Variants in LMO7 observed in about 807,000 individuals in gnomAD.
LMO7 encodes the protein LIM domain only protein 7.
In LMO7, 120 loss-of-function variants were observed where a neutral mutation model predicts 206.5. The ratio of observed to expected loss-of-function variants is 0.58; its 90% CI spans 0.50 to 0.68. The LOEUF is 0.68. Ranked by LOEUF, LMO7 falls within the 30% of genes least tolerant of loss-of-function variation. The probability of loss-of-function intolerance (pLI) is 0.00; values close to 1 mark genes in which losing one functional copy is unlikely to be tolerated. For synonymous variants in LMO7, 706 were observed against 681.5 expected (o/e 1.04, Z -0.56); for missense variants, 1,959 against 1,957.9 (o/e 1.00, Z -0.01).
chr13:75,672,091 G>T (rs1012518785), intron 1 of LMO7, among the ~76,000 whole-genome samples: 11 of 152,018 alleles, frequency 7.2e-5, no homozygotes, highest in Non-Finnish European at 1.0e-4. Context: ...AACATCCCTG[G>T]ATGTTCAAGT....
chr13:75,755,988 T>C (rs2047658294), intron 3 of LMO7, among the ~76,000 whole-genome samples: 1 of 152,204 alleles, frequency 6.6e-6, no homozygotes, highest in Non-Finnish European at 1.5e-5. Context: ...TGTCAGTCTC[T>C]TTAGTAAGTA....
At chr13:75,642,714 A>G (rs1202572935) in intron 1 of LMO7, among the ~76,000 whole-genome samples, 3 of 152,174 alleles carry the variant, frequency 2.0e-5, no homozygotes, top group Non-Finnish European at 2.9e-5. Context: ...ATACCCTCTA[A>G]AACCTTTGTG....
intron 15 of LMO7, among the ~76,000 whole-genome samples, chr13:75,827,161 C>G (rs2058193593): frequency 6.6e-6 from 1 of 152,158 alleles, no homozygotes; most frequent in Non-Finnish European, 1.5e-5. Context: ...ACATAATTGA[C>G]ACTTAAGTTT....
At chr13:75,821,003 A>G (rs1416242544) in intron 13 of LMO7, among the ~76,000 whole-genome samples, 174 bp from the exon 14 acceptor site, 1 of 152,070 alleles carries the variant, frequency 6.6e-6, no homozygotes, top group Admixed American at 6.6e-5. Context: ...GTCTCAAAAA[A>G]AAAAAAAAAA....
intron 1 of LMO7, among the ~76,000 whole-genome samples, chr13:75,660,462 C>T (rs1236802305): frequency 1.3e-5 from 2 of 152,176 alleles, no homozygotes; most frequent in African/African-American, 4.8e-5. Context: ...TCCATTCCAT[C>T]ATTTATGCCC....
chr13:75,744,084 C>T (rs540031840), intron 3 of LMO7, among the ~76,000 whole-genome samples: 1 of 152,126 alleles, frequency 6.6e-6, no homozygotes, highest in Admixed American at 6.5e-5. Context: ...ATGTAAATGG[C>T]ATATAAATAA....
intron 4 of LMO7, among the ~76,000 whole-genome samples, chr13:75,792,087 G>A (rs1057382685): frequency 1.2e-4 from 19 of 152,022 alleles, no homozygotes; most frequent in African/African-American, 4.1e-4. Context: ...TCTGCCCTCA[G>A]CCTCCCAAGT....
In LMO7 at chr13:75,804,334, A is replaced by T; in HGVS notation, c.707A>T (p.Asp236Val). ...TDSEFTFKMQ[D>V]YNKDDMSYRR... ...TCGGAATTTACATTTAAGATGCAGG[A>T]TTATAATAAAGATGATATGTCGTAT... The change falls in exon 8 of 31, where the codon GAT (aspartate) becomes GTT (valine). Residue 236 changes from aspartate (D) to valine (V), a missense_variant. Transcript: ENST00000377534. 3 of 1,613,896 alleles carry T rather than the reference A, an allele frequency of 1.9e-6. No homozygotes were observed. Among genetic ancestry groups the T allele is most frequent in the Non-Finnish European group, 2.5e-6 (3 of 1,179,744 alleles).
chr13:75,714,269 T>C (rs750428033), intron 2 of LMO7, among the ~76,000 whole-genome samples: 21 of 152,198 alleles, frequency 1.4e-4, no homozygotes, highest in Middle Eastern at 3.2e-3. Flanking sequence ...ATTTGAGCCT[T>C]ATTTTCTCAT....
chr13:75,796,030 G>T (rs887061229), intron 5 of LMO7, among the ~76,000 whole-genome samples: 1 of 152,142 alleles, frequency 6.6e-6, no homozygotes, highest in Non-Finnish European at 1.5e-5. Context: ...GTTAGATTTA[G>T]GAAGCTGTTT....
chr13:75,811,209 T>TC (rs68175773), intron 11 of LMO7, among the ~76,000 whole-genome samples: 17,192 of 59,430 alleles, frequency 0.29, 1,482 homozygotes, highest in African/African-American at 0.34. Flanking sequence ...TTTCTTTCTC[T>TC]TTTTTTTTTT....
At chr13:75,745,653 T>C (rs542095799) in intron 3 of LMO7, among the ~76,000 whole-genome samples, 17 of 152,274 alleles carry the variant, frequency 1.1e-4, no homozygotes, top group African/African-American at 4.1e-4. Context: ...ATCTGTAGAC[T>C]GAGTAAAGCA....
chr13:75,823,420 A>C (rs2057798644), intron 14 of LMO7, 145 bp from the exon 15 acceptor site: 1 of 643,946 alleles, frequency 1.6e-6, no homozygotes, highest in Admixed American at 3.1e-5. Flanking sequence ...GGTGTGAAAG[A>C]ACTCAGCCCA....
rs773693552 is a variant in LMO7, at chr13:75,805,614, T to G, written c.1050T>G (p.Tyr350Ter). ...SIPNIVKDDL[Y>*]VRKLSPVMPN... ...CCAACATTGTAAAGGATGATCTTTA[T>G]GTGCGCAAGCTCAGTCCAGTCATGC... The change falls in exon 9 of 31, where the codon TAT becomes TAG. Residue 350 changes from tyrosine (Y) to a stop codon, truncating the protein, a stop_gained. Coordinates refer to ENST00000377534, the MANE Select transcript of LMO7 (RefSeq NM_001306080.2). LOFTEE classifies it high-confidence loss of function. The G allele has an allele frequency of 2.5e-6, 4 of 1,614,082 alleles. No individual in the cohort carries two copies. In the South Asian group the frequency reaches 4.4e-5, roughly 18 times the overall value.
chr13:75,858,170 C>T lies in LMO7; in HGVS notation c.*227C>T, dbSNP rs965588558. 2.5e-6 allele frequency: 1 copy of T among 406,562 alleles called. No homozygotes were observed. 25.2% of individuals were successfully genotyped at this position (406,562 alleles called of 1,614,324 possible). ...GTGTGGGGAAAAGTGCAGTATTTAC[C>T]TGTTGAATTCAGCATCTTGAGAGCA... On this transcript the variant is annotated 3_prime_UTR_variant, in exon 31 of 31. Coordinates refer to ENST00000377534, the MANE Select transcript of LMO7 (RefSeq NM_001306080.2).
At chr13:75,636,966 T>C (rs1666565059) in intron 1 of LMO7, among the ~76,000 whole-genome samples, 1 of 152,160 alleles carries the variant, frequency 6.6e-6, no homozygotes, top group South Asian at 2.1e-4. Flanking sequence ...GTCACTGGCT[T>C]CCTAGGGCAG....
At chr13:75,821,125 C>G (rs2057538218) in intron 13 of LMO7, 52 bp from the exon 14 acceptor site, 4 of 1,417,874 alleles carry the variant, frequency 2.8e-6, no homozygotes, top group Admixed American at 2.2e-5. Context: ...CTCACCACCT[C>G]TGTGTGTCAA....
intron 4 of LMO7, among the ~76,000 whole-genome samples, chr13:75,764,508 A>T (rs1380673224): frequency 6.6e-6 from 1 of 152,102 alleles, no homozygotes; most frequent in African/African-American, 2.4e-5. Context: ...TCATTAGGAG[A>T]GGTACAGATC....
At chr13:75,680,423 A>G (rs552690653) in intron 1 of LMO7, among the ~76,000 whole-genome samples, 10 of 152,310 alleles carry the variant, frequency 6.6e-5, no homozygotes, top group Non-Finnish European at 1.2e-4. Flanking sequence ...CAGTAATGGG[A>G]TTGCTGGTGA....
Sources: gnomAD v4.1 joint callset for allele counts (sites outside exome capture counted in the v4.1 genomes callset) on GRCh38, gnomAD v4.1.1 for gene constraint, MANE v1.5 for transcripts, NCBI Gene and HGNC (gene_info 2026-07-23, HGNC 2026-07-21) for gene names.